BCL2A1: variants seen among roughly 807,000 people sequenced by gnomAD.
BCL2A1 encodes bcl-2-related protein A1.
Under a neutral mutation model 14.4 loss-of-function variants are expected in BCL2A1, and 10 were observed. That is an observed-to-expected ratio of 0.69 (90% CI 0.43 to 1.18). The LOEUF is 1.18. Ranked by LOEUF, BCL2A1 falls within the 50% of genes most tolerant of loss-of-function variation. The pLI is 0.00. For synonymous variants in BCL2A1, 71 were observed against 76.5 expected (o/e 0.93, Z 0.38); for missense variants, 158 against 205.0 (o/e 0.77, Z 1.40).
chr15:79,961,046 A>G lies in BCL2A1; in HGVS notation c.*21T>C, dbSNP rs2035485921. 5 of 1,613,050 alleles carry G rather than the reference A, an allele frequency of 3.1e-6. No homozygotes were observed. The South Asian group carries it at 5.5e-5, about 18-fold the overall frequency. On this transcript the variant is annotated 3_prime_UTR_variant, in exon 2 of 2. Coordinates refer to ENST00000267953, the MANE Select transcript of BCL2A1 (RefSeq NM_004049.4). ...GTCAGAAAAATTAGGCCGGTTTCAC[A>G]ATATGGAGTGTCCTTTCTGGTCAAC...
chr15:79,962,343 G>A lies in BCL2A1; in HGVS notation c.421-1169C>T, dbSNP rs541358708. Among the ~76,000 whole-genome samples, 14 of 152,230 alleles carry A rather than the reference G, an allele frequency of 9.2e-5. No homozygotes were observed. The South Asian group carries it at 1.7e-3, about 18-fold the overall frequency. On this transcript the variant is annotated intron_variant, in intron 1 of 1. Coordinates refer to ENST00000267953, the MANE Select transcript of BCL2A1 (RefSeq NM_004049.4). Reference sequence around the variant, plus strand: ...CCTAAGAAAGCCATTTTCTGCCTACGTGTTAAGTGTACATCGTGCTCTGAG... The same window carrying A: ...CCTAAGAAAGCCATTTTCTGCCTACATGTTAAGTGTACATCGTGCTCTGAG...
chr15:79,970,898 C>G lies in BCL2A1; in HGVS notation c.222G>C (p.Val74=). Residue 74 remains valine (V), a synonymous_variant, in exon 1 of 2, where the codon GTG becomes GTC. Transcript: ENST00000267953. ...TGCCGTCTTCAAACTCCTTTTCCAT[C>G]ACTTGGTTGAATAGTGTTCTGGCAG... ...VDTARTLFNQ[V]MEKEFEDGII... is the part of the protein sequence containing the mutation. The G allele has an allele frequency of 6.2e-7, 1 of 1,614,236 alleles. No homozygotes were observed. Among genetic ancestry groups the G allele is most frequent in the Non-Finnish European group, 8.5e-7 (1 of 1,180,036 alleles).
At chr15:79,963,832 A>G (rs999204126) in intron 1 of BCL2A1, among the ~76,000 whole-genome samples, 1 of 152,196 alleles carries the variant, frequency 6.6e-6, no homozygotes, top group Non-Finnish European at 1.5e-5. Flanking sequence ...CAAATTGTCT[A>G]ACAATTGGGA....
At chr15:79,963,678 A>C (rs2035511433) in intron 1 of BCL2A1, among the ~76,000 whole-genome samples, 1 of 152,190 alleles carries the variant, frequency 6.6e-6, no homozygotes, top group African/African-American at 2.4e-5. Context: ...AATTATACAC[A>C]CATCTTATGA....
chr15:79,966,324 C>T (rs781518605), intron 1 of BCL2A1, among the ~76,000 whole-genome samples: 1 of 152,126 alleles, frequency 6.6e-6, no homozygotes, highest in South Asian at 2.1e-4. Flanking sequence ...AAGGTTATAC[C>T]TCTAGTGAGT....
At chr15:79,966,730 G>A (rs774557839) in intron 1 of BCL2A1, among the ~76,000 whole-genome samples, 62 of 151,970 alleles carry the variant, frequency 4.1e-4, no homozygotes, top group Non-Finnish European at 4.1e-4. Flanking sequence ...AATTAGGAGA[G>A]CGGACAGGAG....
intron 1 of BCL2A1, chr15:79,967,699 T>C: frequency 4.1e-6 from 6 of 1,462,748 alleles, no homozygotes; most frequent in Non-Finnish European, 4.8e-6. Context: ...TCCCCTGAAA[T>C]GAATCATTCA....
At chr15:79,968,714 C>A (rs1162628695) in intron 1 of BCL2A1, among the ~76,000 whole-genome samples, 1 of 152,160 alleles carries the variant, frequency 6.6e-6, no homozygotes, top group Non-Finnish European at 1.5e-5. Flanking sequence ...GAGGATCACC[C>A]GAGGTCAGGA....
intron 1 of BCL2A1, among the ~76,000 whole-genome samples, chr15:79,967,480 C>T (rs542580620): frequency 4.6e-5 from 7 of 152,110 alleles, no homozygotes; most frequent in African/African-American, 1.4e-4. Context: ...CCTCCCAAAG[C>T]GCTGGGATTA....
chr15:79,962,810 T>C (rs2035503459), intron 1 of BCL2A1, among the ~76,000 whole-genome samples: 1 of 152,034 alleles, frequency 6.6e-6, no homozygotes, highest in Admixed American at 6.6e-5. Context: ...CCTCACAAAG[T>C]GCTGGGATTA....
chr15:79,967,612 C>G, intron 1 of BCL2A1: 1 of 1,583,770 alleles, frequency 6.3e-7, no homozygotes, highest in Non-Finnish European at 8.6e-7. Context: ...CTTGATAAAG[C>G]TGTAAGTGCC....
chr15:79,963,240 G>A (rs749261482), intron 1 of BCL2A1, among the ~76,000 whole-genome samples: 7 of 151,968 alleles, frequency 4.6e-5, no homozygotes, highest in Admixed American at 1.3e-4. Context: ...CACCCGCCTC[G>A]GCCTCCCAAA....
intron 1 of BCL2A1, among the ~76,000 whole-genome samples, chr15:79,963,865 T>C (rs2035513382): frequency 6.6e-6 from 1 of 152,202 alleles, no homozygotes; most frequent in African/African-American, 2.4e-5. Context: ...AATTATGATA[T>C]AACAAATTAA....
intron 1 of BCL2A1, among the ~76,000 whole-genome samples, chr15:79,962,800 C>G (rs556893639): frequency 1.3e-5 from 2 of 151,906 alleles, no homozygotes; most frequent in Non-Finnish European, 2.9e-5. Flanking sequence ...CTCACCTCGG[C>G]CTCACAAAGT....
At chr15:79,967,849 C>T (rs2035557147) in intron 1 of BCL2A1, among the ~76,000 whole-genome samples, 1 of 151,946 alleles carries the variant, frequency 6.6e-6, no homozygotes, top group South Asian at 2.1e-4. Flanking sequence ...GCTGGGAAAG[C>T]GGCATGGAGA....
At chr15:79,970,027 G>A (rs1234763000) in intron 1 of BCL2A1, among the ~76,000 whole-genome samples, 9 of 152,048 alleles carry the variant, frequency 5.9e-5, no homozygotes. Context: ...TTTAGGCACT[G>A]ATAATAAAGT....
At chr15:79,967,044 G>A (rs529337933) in intron 1 of BCL2A1, among the ~76,000 whole-genome samples, 1 of 152,154 alleles carries the variant, frequency 6.6e-6, no homozygotes, top group South Asian at 2.1e-4. Flanking sequence ...CCTTATACCA[G>A]TCCCAGGACA....
At chr15:79,963,331 T>G (rs1048941532) in intron 1 of BCL2A1, among the ~76,000 whole-genome samples, 1 of 151,996 alleles carries the variant, frequency 6.6e-6, no homozygotes, top group Non-Finnish European at 1.5e-5. Context: ...AAAAGAACAA[T>G]AGACTAGGAA....
At chr15:79,970,362 C>T (rs371961635) in intron 1 of BCL2A1, among the ~76,000 whole-genome samples, 4 of 152,058 alleles carry the variant, frequency 2.6e-5, no homozygotes, top group African/African-American at 7.2e-5. Context: ...GTCATGACAA[C>T]CCTAGCAAAA....
Sources: allele counts gnomAD v4.1 joint callset (sites outside exome capture counted in the v4.1 genomes callset), GRCh38; gene constraint gnomAD v4.1.1; transcripts MANE v1.5; gene names NCBI Gene and HGNC (gene_info 2026-07-23, HGNC 2026-07-21).